Variants in LAMB3 observed in about 807,000 individuals in gnomAD.
LAMB3 encodes laminin subunit beta-3.
A neutral mutation model predicts 140.3 loss-of-function variants in LAMB3; 104 were observed. The ratio of observed to expected loss-of-function variants is 0.74; its 90% CI spans 0.63 to 0.87. The LOEUF is 0.87. Among genes scored for constraint, LAMB3 ranks in the 40% least tolerant of loss-of-function variants. The pLI, the probability that LAMB3 is intolerant of heterozygous loss-of-function variation, is 0.00. For missense variants in LAMB3, 1,531 were observed against 1,575.2 expected, an observed-to-expected ratio of 0.97 and a Z score of 0.47; for synonymous variants, 592 against 602.9, an observed-to-expected ratio of 0.98 and a Z score of 0.26.
intron 1 of LAMB3, chr1:209,651,214 C>G (rs1211708134): frequency 9.6e-6 from 5 of 523,452 alleles, no homozygotes; most frequent in Non-Finnish European, 1.7e-5. Flanking sequence ...CCCATCCCTT[C>G]CCAGACTCCA....
chr1:209,632,999 A>C, intron 7 of LAMB3, 71 bp downstream of exon 7: 1 of 1,257,840 alleles, frequency 8.0e-7, no homozygotes, highest in South Asian at 1.2e-5. Flanking sequence ...GGAAATTTCC[A>C]TGACCTGGGC....
intron 22 of LAMB3, 80 bp from the exon 23 acceptor site, chr1:209,615,487 G>T: frequency 6.8e-7 from 1 of 1,481,472 alleles, no homozygotes; most frequent in Non-Finnish European, 9.0e-7. Context: ...TTCCCCTCCT[G>T]CTAACTGGAG....
At chr1:209,629,055 C>T (rs1424578246) in intron 10 of LAMB3, among the ~76,000 whole-genome samples, 3 of 152,218 alleles carry the variant, frequency 2.0e-5, no homozygotes, top group Non-Finnish European at 4.4e-5. Flanking sequence ...CCAACCCCCA[C>T]TCCCTGACTT....
In LAMB3 at chr1:209,623,803, C is replaced by T. The variant is rs374527059; in HGVS notation, c.2137+37G>A. On this transcript the variant is annotated intron_variant, in intron 15 of 22. Transcript: ENST00000356082. The surrounding 1 kb of genome is among the most constrained non-coding windows in gnomAD (Gnocchi z 4.2). ...GGGTGGCATGCCCACCACGGCAGTG[C>T]CCATGCCCGGGGTTATCCGGGTGCC... 7.3e-5 allele frequency: 117 copies of T among 1,613,456 alleles called. 1 individual carries two copies. The highest frequency in any genetic ancestry group is 9.6e-5 in the Non-Finnish European group (113 of 1,179,520).
chr1:209,631,678 C>T (rs1666696525), intron 8 of LAMB3, among the ~76,000 whole-genome samples: 1 of 152,230 alleles, frequency 6.6e-6, no homozygotes, highest in African/African-American at 2.4e-5. Flanking sequence ...CTCCCTCCCA[C>T]CTCGTCATGT....
chr1:209,622,514 G>T, intron 18 of LAMB3, 22 bp downstream of exon 18: 1 of 1,613,216 alleles, frequency 6.2e-7, no homozygotes, highest in Non-Finnish European at 8.5e-7. Context: ...AGCAGCCAAG[G>T]TGGGGTGGAG....
At chr1:209,651,691 G>A (rs1486135623) in intron 1 of LAMB3, among the ~76,000 whole-genome samples, 1 of 152,230 alleles carries the variant, frequency 6.6e-6, no homozygotes, top group Non-Finnish European at 1.5e-5. Flanking sequence ...GGATTCTGAA[G>A]GAGGCTGGGG....
In LAMB3 at chr1:209,622,576, G is replaced by A; in HGVS notation, c.2661C>T (p.Arg887=). ...SRSQMEEDVR[R]TRLLIQQVRD... ...GGACCTGCTGGATTAGGAGCCGTGTGCGTCTGACATCTTCCTCCATCTGGG... is the reference window on the plus strand; with the variant it reads ...GGACCTGCTGGATTAGGAGCCGTGTACGTCTGACATCTTCCTCCATCTGGG... Residue 887 remains arginine (R), a synonymous_variant, in exon 18 of 23, where the codon CGC becomes CGT. Transcript: ENST00000356082. 2 of 1,614,098 alleles carry A rather than the reference G, an allele frequency of 1.2e-6. No individual in the cohort carries two copies. Among genetic ancestry groups the A allele is most frequent in the Non-Finnish European group, 1.7e-6 (2 of 1,180,014 alleles).
rs957865481 is a variant in LAMB3, at chr1:209,616,349, C to A, written c.3382+122G>T. 4.4e-6 allele frequency: 5 copies of A among 1,138,220 alleles called. No individual in the cohort carries two copies. In the East Asian group the frequency reaches 9.4e-5, roughly 21 times the overall value. 70.5% of individuals were successfully genotyped at this position (1,138,220 alleles called of 1,614,324 possible). A position where few individuals can be genotyped will look rare whatever the true frequency, so the allele number is the denominator to read the frequency against. On this transcript the variant is annotated intron_variant, in intron 22 of 22. Transcript: ENST00000356082. ...CATGCTAGATGCCCAGAAAAAATCT[C>A]ATTTGATCTCACTCCCATAGCACGG...
chr1:209,627,739 C>A (rs1490933745), intron 11 of LAMB3, among the ~76,000 whole-genome samples, 160 bp from the exon 12 acceptor site: 1 of 152,212 alleles, frequency 6.6e-6, no homozygotes, highest in Non-Finnish European at 1.5e-5. Context: ...GCTGTCCCAC[C>A]AGTTCCAGCC....
chr1:209,626,200 A>G (rs1666445774), intron 13 of LAMB3, among the ~76,000 whole-genome samples, 174 bp from the exon 14 acceptor site: 1 of 152,256 alleles, frequency 6.6e-6, no homozygotes, highest in South Asian at 2.1e-4. Flanking sequence ...GCAAACGCTT[A>G]CTTAGCACCT....
intron 3 of LAMB3, among the ~76,000 whole-genome samples, chr1:209,648,612 G>A (rs945493336): frequency 2.0e-5 from 3 of 152,120 alleles, no homozygotes; most frequent in African/African-American, 4.8e-5. Flanking sequence ...AGAGGCAGAG[G>A]GCAGGCCAGT....
chr1:209,627,199 A>G (rs565206578), intron 12 of LAMB3, among the ~76,000 whole-genome samples, 184 bp downstream of exon 12: 2 of 152,266 alleles, frequency 1.3e-5, no homozygotes, highest in Admixed American at 1.3e-4. Flanking sequence ...ATATGGTATT[A>G]CTGACGGCCA....
rs543052101 is a variant in LAMB3, at chr1:209,624,911, G to T, written c.1976+737C>A. Among the ~76,000 whole-genome samples the T allele has an allele frequency of 2.7e-5, 4 of 149,686 alleles. No homozygotes were observed. In the East Asian group the frequency reaches 7.9e-4, roughly 30 times the overall value. On this transcript the variant is annotated intron_variant, in intron 14 of 22. Coordinates refer to ENST00000356082, the MANE Select transcript of LAMB3 (RefSeq NM_000228.3). ...GGAAGGAAGGAAGGAAGGAAGGAAG[G>T]AAGGAAGGAAGGAAGGAAGGAAGGA...
intron 17 of LAMB3, 59 bp from the exon 18 acceptor site, chr1:209,622,739 C>T: frequency 6.9e-6 from 11 of 1,605,576 alleles, no homozygotes; most frequent in South Asian, 1.1e-5. Flanking sequence ...TCTCAGCAGC[C>T]CCACGATTCT....
intron 10 of LAMB3, 33 bp from the exon 11 acceptor site, chr1:209,628,223 C>T (rs766941438): frequency 1.3e-6 from 2 of 1,550,560 alleles, no homozygotes; most frequent in African/African-American, 2.7e-5. Flanking sequence ...GCAGTAGGAA[C>T]AAAGAAAAGT....
chr1:209,618,578 A>G lies in LAMB3; in HGVS notation c.2783T>C (p.Val928Ala). The G allele has an allele frequency of 1.2e-6, 2 of 1,614,232 alleles. No individual in the cohort carries two copies. Among genetic ancestry groups the G allele is most frequent in the Non-Finnish European group, 1.7e-6 (2 of 1,180,030 alleles). Residue 928 changes from valine to alanine, a missense_variant, in exon 19 of 23, where the codon GTT (valine) becomes GCT (alanine). Val to Ala is a moderately conservative substitution (Grantham distance 64). Transcript: ENST00000356082. ...ALWLPTDSATVLQKMNEIQAI... is the reference protein window; with the variant it reads ...ALWLPTDSATALQKMNEIQAI... Reference sequence around the variant, plus strand: ...CTGGATCTCATTCATCTTCTGCAGAACAGTAGCTGAGTCTGTGGGCAGCCA... The same window carrying G: ...CTGGATCTCATTCATCTTCTGCAGAGCAGTAGCTGAGTCTGTGGGCAGCCA...
chr1:209,627,090 G>A (rs1666488370), intron 12 of LAMB3, 112 bp from the exon 13 acceptor site: 3 of 832,254 alleles, frequency 3.6e-6, no homozygotes. Flanking sequence ...AGGGCTCATG[G>A]CCACCTCCAG....
In LAMB3 at chr1:209,623,879, T is replaced by C. The variant is rs375139399; in HGVS notation, c.2098A>G (p.Arg700Gly). Residue 700 changes from arginine (R) to glycine (G), a missense_variant, in exon 15 of 23, where the codon AGG becomes GGG. By Grantham distance (125) the Arg-to-Gly change is moderately radical. Transcript: ENST00000356082. The surrounding 1 kb of genome is among the most constrained non-coding windows in gnomAD (Gnocchi z 4.2). ...NGLLTMYQRK[R>G]EQFEKISSAD... ...CTGCTTATTTTTTCAAACTGCTCCC[T>C]CTTCCTCTGATACATAGTAAGGAGA... 81 of 1,614,212 alleles carry C rather than the reference T, an allele frequency of 5.0e-5. No individual in the cohort carries two copies. The African/African-American group carries it at 9.9e-4, about 20-fold the overall frequency.
Sources: gnomAD v4.1 joint callset for allele counts (sites outside exome capture counted in the v4.1 genomes callset) on GRCh38, gnomAD v4.1.1 for gene constraint, Gnocchi (gnomAD v3.1) non-coding constraint, MANE v1.5 for transcripts, NCBI Gene and HGNC (gene_info 2026-07-23, HGNC 2026-07-21) for gene names.